Variants in NUP62CL observed in about 807,000 individuals in gnomAD.
The protein encoded by NUP62CL is nucleoporin 62 C-terminal like.
NUP62CL carries 13 observed loss-of-function variants against 15.3 expected under a neutral mutation model. The observed-to-expected ratio is 0.85, with a 90% CI of 0.55 to 1.35. NUP62CL has a LOEUF of 1.35. Among genes scored for constraint, NUP62CL ranks in the 40% most tolerant of loss-of-function variants. The probability of loss-of-function intolerance (pLI) is 0.00; values close to 1 mark genes in which losing one functional copy is unlikely to be tolerated. For missense variants in NUP62CL, 123 were observed against 130.6 expected (o/e 0.94, Z 0.28); for synonymous variants, 54 against 49.2 (o/e 1.10, Z -0.41).
intron 2 of NUP62CL, among the ~76,000 whole-genome samples, chrX:107,192,291 C>CAAGAAGG (rs1271524912): frequency 1.8e-5 from 2 of 112,309 alleles, no homozygotes; most frequent in Non-Finnish European, 3.8e-5. Context: ...TGAAGGGAGT[C>CAAGAAGG]CACAGTACAG....
Position 107,202,204 on chromosome X carries a change from TG to T in NUP62CL, c.-92+4068del, listed in dbSNP as rs1380185424. Reference sequence around the variant, plus strand: ...GAAAATGTGGCAAAATTATAACAATTGTTAAATCTTTGGTAGATACATGGAT... The same window carrying T: ...GAAAATGTGGCAAAATTATAACAATTTTAAATCTTTGGTAGATACATGGAT... On this transcript the variant is annotated intron_variant, in intron 1 of 8. Transcript: ENST00000372466. Among the ~76,000 whole-genome samples, 4 of 111,982 alleles carry T rather than the reference TG, an allele frequency of 3.6e-5. No homozygotes were observed. The East Asian group carries it at 1.1e-3, about 31-fold the overall frequency.
chrX:107,146,266 A>G (rs1223713812), intron 8 of NUP62CL, among the ~76,000 whole-genome samples: 1 of 111,669 alleles, frequency 9.0e-6, no homozygotes, highest in Non-Finnish European at 1.9e-5. Flanking sequence ...CTTAAACTCA[A>G]TGGTTTTAGC....
intron 2 of NUP62CL, among the ~76,000 whole-genome samples, chrX:107,184,572 AAC>A (rs1423125105): frequency 1.8e-5 from 2 of 111,690 alleles, no homozygotes; most frequent in Non-Finnish European, 3.8e-5. Context: ...AAAAAAAATT[AAC>A]AGAGCATCAG....
chrX:107,171,322 G>A (rs1250937419), intron 3 of NUP62CL, among the ~76,000 whole-genome samples: 1 of 111,805 alleles, frequency 8.9e-6, no homozygotes, highest in African/African-American at 3.3e-5. Flanking sequence ...ACCTAATGGG[G>A]AGAAGGGTAA....
intron 2 of NUP62CL, among the ~76,000 whole-genome samples, chrX:107,187,721 T>C (rs1012177465): frequency 8.9e-5 from 10 of 112,804 alleles, no homozygotes; most frequent in Non-Finnish European, 1.5e-4. Context: ...TGGGAAGATC[T>C]ATAAAATTAA....
chrX:107,184,392 A>G (rs1483168102), intron 2 of NUP62CL, among the ~76,000 whole-genome samples: 1 of 111,622 alleles, frequency 9.0e-6, no homozygotes, highest in Non-Finnish European at 1.9e-5. Flanking sequence ...CGGAAGTTAT[A>G]AAGAACCAAG....
intron 2 of NUP62CL, among the ~76,000 whole-genome samples, chrX:107,180,912 G>GGTTTTTTTTT (rs1926903198): frequency 1.0e-5 from 1 of 97,826 alleles, no homozygotes; most frequent in African/African-American, 3.8e-5. Context: ...TTATGGTTTC[G>GGTTTTTTTTT]CTTTTTTTTT....
At chrX:107,163,848 A>C (rs957589451) in intron 4 of NUP62CL, among the ~76,000 whole-genome samples, 3 of 111,744 alleles carry the variant, frequency 2.7e-5, no homozygotes, top group African/African-American at 9.8e-5. Context: ...AGAAAGCCTC[A>C]AAATACATGA....
intron 3 of NUP62CL, among the ~76,000 whole-genome samples, chrX:107,174,271 C>A (rs1926731196): frequency 9.3e-6 from 1 of 107,320 alleles, no homozygotes; most frequent in African/African-American, 3.4e-5. Flanking sequence ...CCCACCTAAG[C>A]CTCCCCAGTA....
chrX:107,188,188 C>T (rs1288980710), intron 2 of NUP62CL, among the ~76,000 whole-genome samples: 1 of 111,857 alleles, frequency 8.9e-6, no homozygotes, highest in Non-Finnish European at 1.9e-5. Flanking sequence ...CCTTCATGAA[C>T]ATAAATGCAA....
At chrX:107,128,421 A>G (rs1239389057) in intron 8 of NUP62CL, among the ~76,000 whole-genome samples, 1 of 112,224 alleles carries the variant, frequency 8.9e-6, no homozygotes, top group Non-Finnish European at 1.9e-5. Context: ...ATATCAGGCA[A>G]CAAATAAATT....
At chrX:107,187,526 T>C (rs1927093891) in intron 2 of NUP62CL, among the ~76,000 whole-genome samples, 1 of 111,932 alleles carries the variant, frequency 8.9e-6, no homozygotes, top group African/African-American at 3.2e-5. Context: ...GCCTCCCGAG[T>C]AGCTGGGATT....
At chrX:107,184,329 AAGAAAGAAAGAAAGAAAGAAAGAAAG>A (rs1926998355) in intron 2 of NUP62CL, among the ~76,000 whole-genome samples, 1 of 106,679 alleles carries the variant, frequency 9.4e-6, no homozygotes, top group East Asian at 3.0e-4. Context: ...GAAAGAAAGA[AAGAAAGAAAGAAAGAAAGAAAGAAAG>A]AAACTAATTA....
chrX:107,160,529 G>A (rs1434822383), intron 4 of NUP62CL, among the ~76,000 whole-genome samples: 1 of 110,805 alleles, frequency 9.0e-6, no homozygotes, highest in Non-Finnish European at 1.9e-5. Context: ...AAGCAATGGG[G>A]AAAGGATTTC....
intron 4 of NUP62CL, among the ~76,000 whole-genome samples, chrX:107,159,883 C>CA (rs1926312739): frequency 9.7e-6 from 1 of 103,139 alleles, no homozygotes; most frequent in South Asian, 4.8e-4. Context: ...TAGAAAACCC[C>CA]ATTGTCTCAG....
chrX:107,204,352 C>T (rs931718678), intron 1 of NUP62CL, among the ~76,000 whole-genome samples: 1 of 111,439 alleles, frequency 9.0e-6, no homozygotes, highest in African/African-American at 3.3e-5. Context: ...CTCTAAGCTT[C>T]TGTATTTCCG....
chrX:107,137,562 C>T (rs187948020), intron 8 of NUP62CL, among the ~76,000 whole-genome samples: 28 of 111,859 alleles, frequency 2.5e-4, no homozygotes, highest in Non-Finnish European at 5.1e-4. Flanking sequence ...ATAAAATCAA[C>T]ACACAAAAAT....
intron 4 of NUP62CL, among the ~76,000 whole-genome samples, chrX:107,160,475 C>T (rs1232519978): frequency 1.9e-5 from 2 of 107,734 alleles, no homozygotes; most frequent in African/African-American, 6.9e-5. Flanking sequence ...GAAATAACGC[C>T]GCATACCTAC....
chrX:107,139,267 G>A (rs959984748), intron 8 of NUP62CL, among the ~76,000 whole-genome samples: 2 of 110,684 alleles, frequency 1.8e-5, no homozygotes, highest in African/African-American at 6.6e-5. Flanking sequence ...TGACTATGGT[G>A]GTAGATATAC....
Sources: gnomAD v4.1 joint callset for allele counts (sites outside exome capture counted in the v4.1 genomes callset) on GRCh38, gnomAD v4.1.1 for gene constraint, MANE v1.5 for transcripts, NCBI Gene and HGNC (gene_info 2026-07-23, HGNC 2026-07-21) for gene names.